CADM2: variants seen among roughly 807,000 people sequenced by gnomAD.
The protein encoded by CADM2 is immunoglobulin superfamily member 4D.
A neutral mutation model predicts 49.8 loss-of-function variants in CADM2; 12 were observed. The ratio of observed to expected loss-of-function variants is 0.24; its 90% CI spans 0.15 to 0.39. The LOEUF (loss-of-function observed/expected upper bound fraction) is 0.39, where lower values mean the gene tolerates loss of function less well. Ranked by LOEUF, CADM2 falls within the 10% of genes least tolerant of loss-of-function variation. The pLI, the probability that CADM2 is intolerant of heterozygous loss-of-function variation, is 1.00. For missense variants in CADM2, 378 were observed against 492.3 expected (o/e 0.77, Z 2.20); for synonymous variants, 214 against 175.4 (o/e 1.22, Z -1.74).
intron 8 of CADM2, among the ~76,000 whole-genome samples, chr3:86,010,848 A>G (rs1731418320): frequency 6.6e-6 from 1 of 151,764 alleles, no homozygotes; most frequent in African/African-American, 2.4e-5. Flanking sequence ...CAAGAAATTA[A>G]TTGCCAATAA....
At chr3:85,768,459 A>AAAT (rs1291574953) in intron 2 of CADM2, among the ~76,000 whole-genome samples, 6 of 96,948 alleles carry the variant, frequency 6.2e-5, no homozygotes, top group African/African-American at 2.3e-4. Context: ...ATAAATAAAT[A>AAAT]AATAAATAAA....
Position 85,101,324 on chromosome 3 carries a change from A to T in CADM2, c.61+141656A>T, listed in dbSNP as rs112328203. ...TACTATCTTATGCTGTTAGCATTCT[A>T]TTGCCATGCATAGAATGTTATTCTA... is the stretch of plus-strand genomic sequence containing the variant. On this transcript the variant is annotated intron_variant, in intron 1 of 9. Transcript: ENST00000383699. Among the ~76,000 whole-genome samples the T allele has an allele frequency of 4.3e-3, 651 of 152,210 alleles. 3 individuals are homozygous for T. Among genetic ancestry groups the T allele is most frequent in the African/African-American group, 0.014 (578 of 41,544 alleles).
In CADM2 at chr3:86,021,782, C is replaced by A. The variant is rs556694355; in HGVS notation, c.971-43823C>A. ...ATGTGGAGTTTTAAAAAGTATTCAA[C>A]TATACAAAGATAGAGAACAAAACAG... On this transcript the variant is annotated intron_variant, in intron 8 of 9. Transcript: ENST00000383699. Among the ~76,000 whole-genome samples, 4 of 152,136 alleles carry A rather than the reference C, an allele frequency of 2.6e-5. No individual in the cohort carries two copies. In the South Asian group the frequency reaches 6.2e-4, roughly 24 times the overall value.
intron 1 of CADM2, among the ~76,000 whole-genome samples, chr3:85,338,316 A>G (rs2045146566): frequency 6.6e-6 from 1 of 151,654 alleles, no homozygotes; most frequent in Admixed American, 6.6e-5. Context: ...TGTTTAGTGA[A>G]AATACTTTTA....
chr3:85,968,086 A>G (rs1344563016), intron 8 of CADM2, among the ~76,000 whole-genome samples: 2 of 151,616 alleles, frequency 1.3e-5, no homozygotes, highest in Non-Finnish European at 3.0e-5. Context: ...CAGTGTGCTA[A>G]TGGAAGAGCC....
intron 1 of CADM2, among the ~76,000 whole-genome samples, chr3:85,429,307 G>A (rs1409935571): frequency 1.3e-5 from 2 of 151,968 alleles, no homozygotes; most frequent in South Asian, 2.1e-4. Context: ...ATGTTAGAAA[G>A]CATTTTATGC....
chr3:86,036,920 T>C (rs954940244), intron 8 of CADM2, among the ~76,000 whole-genome samples: 1 of 152,162 alleles, frequency 6.6e-6, no homozygotes, highest in Admixed American at 6.6e-5. Context: ...TTAGTTCTTT[T>C]TCACCTCAGT....
chr3:86,073,631 T>A lies in CADM2; in HGVS notation c.*6848T>A, dbSNP rs1703399203. Reference sequence around the variant, plus strand: ...GTCTGATAAATATGGAAAAATAAAATTTGAATTTTAGTTATCTGTTGGACA... The same window carrying A: ...GTCTGATAAATATGGAAAAATAAAAATTGAATTTTAGTTATCTGTTGGACA... On this transcript the variant is annotated 3_prime_UTR_variant, in exon 10 of 10. Transcript: ENST00000383699. The A allele has an allele frequency of 6.6e-6, 1 of 151,992 alleles. No individual in the cohort carries two copies. The highest frequency in any genetic ancestry group is 2.1e-4 in the South Asian group (1 of 4,838). The allele number at this position is 151,992 out of a possible 1,614,324, so 9.4% of individuals were successfully genotyped here. A position where few individuals can be genotyped will look rare whatever the true frequency, so the allele number is the denominator to read the frequency against.
chr3:85,934,911 C>A (rs374508482), intron 6 of CADM2, among the ~76,000 whole-genome samples: 1 of 151,968 alleles, frequency 6.6e-6, no homozygotes, highest in Non-Finnish European at 1.5e-5. Context: ...GAGGAGAAGA[C>A]AATTTCACAT....
At chr3:85,433,275 T>G (rs1297588524) in intron 1 of CADM2, among the ~76,000 whole-genome samples, 1 of 152,130 alleles carries the variant, frequency 6.6e-6, no homozygotes, top group Non-Finnish European at 1.5e-5. Flanking sequence ...CTGCATAAAT[T>G]GTTTTCCCAG....
At chr3:85,094,014 C>T (rs1403250082) in intron 1 of CADM2, among the ~76,000 whole-genome samples, 1 of 152,002 alleles carries the variant, frequency 6.6e-6, no homozygotes, top group Non-Finnish European at 1.5e-5. Flanking sequence ...CATTTGTACA[C>T]TAGTGTAATA....
intron 1 of CADM2, among the ~76,000 whole-genome samples, chr3:85,420,034 C>G (rs1466346537): frequency 6.6e-6 from 1 of 152,104 alleles, no homozygotes; most frequent in African/African-American, 2.4e-5. Flanking sequence ...AAGTTGATAA[C>G]AAATTTTGCC....
intron 7 of CADM2, among the ~76,000 whole-genome samples, chr3:85,955,178 CA>C (rs1160086911): frequency 2.7e-5 from 4 of 150,160 alleles, no homozygotes; most frequent in Non-Finnish European, 3.0e-5. Context: ...TTGAATGTGA[CA>C]TTTTTTTCAA....
chr3:86,053,658 A>T (rs1737597276), intron 8 of CADM2, among the ~76,000 whole-genome samples: 1 of 151,948 alleles, frequency 6.6e-6, no homozygotes, highest in Non-Finnish European at 1.5e-5. Context: ...CCGTATGAAA[A>T]TTCTCTTATG....
intron 8 of CADM2, among the ~76,000 whole-genome samples, chr3:86,033,441 C>A (rs535325410): frequency 6.6e-6 from 1 of 151,730 alleles, no homozygotes; most frequent in South Asian, 2.1e-4. Context: ...AGTGGATGAT[C>A]CAGGAAGACA....
At chr3:85,192,427 T>C (rs2041230867) in intron 1 of CADM2, among the ~76,000 whole-genome samples, 1 of 152,014 alleles carries the variant, frequency 6.6e-6, no homozygotes, top group African/African-American at 2.4e-5. Flanking sequence ...TCACAAGAGC[T>C]CATCTTTCCT....
intron 3 of CADM2, among the ~76,000 whole-genome samples, chr3:85,831,040 T>G (rs1438907417): frequency 1.3e-5 from 2 of 151,820 alleles, no homozygotes; most frequent in African/African-American, 4.8e-5. Flanking sequence ...CATCGTTATG[T>G]TCATGCGTAC....
chr3:85,042,344 G>A (rs969859837), intron 1 of CADM2, among the ~76,000 whole-genome samples: 1 of 152,112 alleles, frequency 6.6e-6, no homozygotes, highest in Non-Finnish European at 1.5e-5. Flanking sequence ...TTATTTTTAT[G>A]TTTTATGTTT....
At chr3:85,775,150 A>G (rs1270967067) in intron 2 of CADM2, among the ~76,000 whole-genome samples, 2 of 151,772 alleles carry the variant, frequency 1.3e-5, no homozygotes, top group African/African-American at 4.8e-5. Context: ...TAACATACTT[A>G]AGGTGACCAT....
Sources: allele counts gnomAD v4.1 joint callset (sites outside exome capture counted in the v4.1 genomes callset), GRCh38; gene constraint gnomAD v4.1.1; transcripts MANE v1.5; gene names NCBI Gene and HGNC (gene_info 2026-07-23, HGNC 2026-07-21).